The following PDZD2 variants were observed in gnomAD, a reference collection of about 807,000 sequenced individuals.
PDZD2 encodes PDZ domain-containing protein 2.
Under a neutral mutation model 220.7 loss-of-function variants are expected in PDZD2, and 90 were observed. The ratio of observed to expected loss-of-function variants is 0.41; its 90% CI spans 0.34 to 0.49. The LOEUF (loss-of-function observed/expected upper bound fraction) is 0.49, where lower values mean the gene tolerates loss of function less well. Among genes scored for constraint, PDZD2 ranks in the 20% least tolerant of loss-of-function variants. The pLI, the probability that PDZD2 is intolerant of heterozygous loss-of-function variation, is 0.28. For missense variants in PDZD2, 3,174 were observed against 3,608.5 expected (o/e 0.88, Z 3.08); for synonymous variants, 1,375 against 1,450.5 (o/e 0.95, Z 1.18).
At chr5:31,965,791 CG>C (rs2111735870) in intron 2 of PDZD2, among the ~76,000 whole-genome samples, 1 of 152,170 alleles carries the variant, frequency 6.6e-6, no homozygotes, top group South Asian at 2.1e-4. Context: ...ACCAGCTACT[CG>C]GGAGACTGAG....
intron 2 of PDZD2, among the ~76,000 whole-genome samples, chr5:31,806,745 T>C (rs1165982608): frequency 6.6e-6 from 1 of 152,186 alleles, no homozygotes; most frequent in Non-Finnish European, 1.5e-5. Context: ...CGCCAGTCAC[T>C]TCCTAGCTTT....
chr5:32,013,816 C>T (rs1753513883), intron 6 of PDZD2, among the ~76,000 whole-genome samples: 1 of 152,162 alleles, frequency 6.6e-6, no homozygotes, highest in African/African-American at 2.4e-5. Context: ...CATCACAAGG[C>T]ACTCACGGAG....
intron 2 of PDZD2, among the ~76,000 whole-genome samples, chr5:31,885,192 T>G (rs1740347381): frequency 1.3e-5 from 2 of 149,690 alleles, no homozygotes; most frequent in African/African-American, 4.9e-5. Flanking sequence ...AAAAAATGCT[T>G]GAGCTGTTAG....
chr5:32,004,675 C>T (rs568751121), intron 5 of PDZD2, among the ~76,000 whole-genome samples: 1 of 152,218 alleles, frequency 6.6e-6, no homozygotes, highest in Non-Finnish European at 1.5e-5. Context: ...AGGTTTTAGC[C>T]TGAGTCCACC....
chr5:31,997,145 C>T (rs748169130), intron 4 of PDZD2, among the ~76,000 whole-genome samples: 85 of 152,238 alleles, frequency 5.6e-4, no homozygotes, highest in Middle Eastern at 3.4e-3. Context: ...AGGAGAGTTT[C>T]GTTGATAAGC....
At chr5:31,677,922 C>T (rs923604076) in intron 1 of PDZD2, among the ~76,000 whole-genome samples, 4 of 150,836 alleles carry the variant, frequency 2.7e-5, no homozygotes, top group East Asian at 2.0e-4. Flanking sequence ...AAGGGAGGGA[C>T]TTTGGGGGCT....
chr5:31,972,250 A>C (rs1581188436), intron 2 of PDZD2, among the ~76,000 whole-genome samples: 1 of 152,110 alleles, frequency 6.6e-6, no homozygotes, highest in South Asian at 2.1e-4. Flanking sequence ...AGTAGCTAGG[A>C]CCAGAGGTGC....
chr5:32,046,432 A>G lies in PDZD2; in HGVS notation c.1520-2107A>G, dbSNP rs570272398. On this transcript the variant is annotated intron_variant, in intron 7 of 24. Coordinates refer to ENST00000438447, the MANE Select transcript of PDZD2 (RefSeq NM_178140.4). ...TAATTTTTTGTATTTTAATAGAGAT[A>G]GGGTTTCACCATGTTGCCCAGTGCA... Among the ~76,000 whole-genome samples the G allele has an allele frequency of 5.9e-5, 9 of 152,226 alleles. No homozygotes were observed. The East Asian group carries it at 9.7e-4, about 16-fold the overall frequency.
intron 1 of PDZD2, among the ~76,000 whole-genome samples, chr5:31,643,483 A>C (rs908862568): frequency 6.6e-6 from 1 of 152,202 alleles, no homozygotes. Flanking sequence ...GAAGGGCATC[A>C]TGCACTCACA....
intron 20 of PDZD2, among the ~76,000 whole-genome samples, chr5:32,092,169 G>A (rs542582307): frequency 6.6e-6 from 1 of 151,736 alleles, no homozygotes; most frequent in African/African-American, 2.4e-5. Flanking sequence ...ACCTACTTGG[G>A]AGGCTGAGGC....
chr5:31,702,327 A>G (rs1325268025), intron 1 of PDZD2, among the ~76,000 whole-genome samples: 2 of 152,234 alleles, frequency 1.3e-5, no homozygotes, highest in Admixed American at 6.5e-5. Flanking sequence ...AAGTTAAACT[A>G]CTATAGCTGT....
chr5:31,948,971 C>A (rs550284535), intron 2 of PDZD2, among the ~76,000 whole-genome samples: 1 of 151,638 alleles, frequency 6.6e-6, no homozygotes, highest in Admixed American at 6.6e-5. Context: ...TAGTGGCAAG[C>A]GCCTGTAATC....
At chr5:31,721,143 A>T (rs559507425) in intron 1 of PDZD2, among the ~76,000 whole-genome samples, 1 of 152,230 alleles carries the variant, frequency 6.6e-6, no homozygotes, top group East Asian at 1.9e-4. Flanking sequence ...TTCCTGGAGG[A>T]GGTGATGGAT....
At position 32,090,761 on chromosome 5, in the gene PDZD2, C is replaced by G; in HGVS notation, c.7313C>G (p.Ser2438Cys). The change falls in exon 20 of 25, where the codon TCT (serine) becomes TGT (cysteine). Residue 2438 changes from serine (S) to cysteine (C), a missense_variant. Physicochemically the swap from Ser to Cys is moderately radical, Grantham distance 112 (BLOSUM62 -1). Transcript: ENST00000438447. This position sits in a 1 kb window ranked among gnomAD's most constrained non-coding sequence, Gnocchi z 4.3. ...CCACCAGAGACCAGTAGCAAGGGCTCTGATTCGGAACTAAAGAAATCACTT... is the reference window on the plus strand; with the variant it reads ...CCACCAGAGACCAGTAGCAAGGGCTGTGATTCGGAACTAAAGAAATCACTT... ...QNPPETSSKG[S>C]DSELKKSLGP... is the part of the protein sequence containing the mutation. 1 of 1,614,190 alleles carries G rather than the reference C, an allele frequency of 6.2e-7. No individual in the cohort carries two copies. Among genetic ancestry groups the G allele is most frequent in the South Asian group, 1.1e-5 (1 of 91,072 alleles).
chr5:31,881,092 G>A (rs145637043), intron 2 of PDZD2, among the ~76,000 whole-genome samples: 3 of 151,936 alleles, frequency 2.0e-5, no homozygotes, highest in East Asian at 1.9e-4. Flanking sequence ...ATGCCACCAC[G>A]CCTGGCTGAA....
At chr5:31,826,350 C>A (rs1190780435) in intron 2 of PDZD2, among the ~76,000 whole-genome samples, 1 of 152,126 alleles carries the variant, frequency 6.6e-6, no homozygotes, top group Non-Finnish European at 1.5e-5. Context: ...CTGAAAACAA[C>A]CACTGACCTG....
At chr5:31,662,976 C>G (rs774571830) in intron 1 of PDZD2, among the ~76,000 whole-genome samples, 1 of 152,170 alleles carries the variant, frequency 6.6e-6, no homozygotes, top group Non-Finnish European at 1.5e-5. Flanking sequence ...AGGATTTCAG[C>G]ATATGAATTT....
Position 31,824,016 on chromosome 5 carries a change from C to T in PDZD2, c.476+24292C>T, listed in dbSNP as rs534752901. On this transcript the variant is annotated intron_variant, in intron 2 of 24. Coordinates refer to ENST00000438447, the MANE Select transcript of PDZD2 (RefSeq NM_178140.4). ...ACCTCAACTTTCTCGTCCTTGATGGCAAGGATGTTGCATCTTACTAGTATA... is the reference window on the plus strand; with the variant it reads ...ACCTCAACTTTCTCGTCCTTGATGGTAAGGATGTTGCATCTTACTAGTATA... Among the ~76,000 whole-genome samples, 6 of 152,268 alleles carry T rather than the reference C, an allele frequency of 3.9e-5. No homozygotes were observed. The South Asian group carries it at 1.0e-3, about 26-fold the overall frequency.
intron 2 of PDZD2, among the ~76,000 whole-genome samples, chr5:31,907,367 A>G (rs1742750172): frequency 6.6e-6 from 1 of 152,166 alleles, no homozygotes; most frequent in African/African-American, 2.4e-5. Flanking sequence ...AAGGGTACTA[A>G]TCCCTTCATG....
Sources: allele counts gnomAD v4.1 joint callset (sites outside exome capture counted in the v4.1 genomes callset), GRCh38; gene constraint gnomAD v4.1.1; non-coding constraint Gnocchi (gnomAD v3.1); transcripts MANE v1.5; gene names NCBI Gene and HGNC (gene_info 2026-07-23, HGNC 2026-07-21).